Variants in NFX1 observed in about 807,000 individuals in gnomAD.
The protein encoded by NFX1 is transcriptional repressor NF-X1.
NFX1 carries 69 observed loss-of-function variants against 137.2 expected under a neutral mutation model. That is an observed-to-expected ratio of 0.50 (90% CI 0.41 to 0.61). The LOEUF (loss-of-function observed/expected upper bound fraction) is 0.61. NFX1 is among the 20% of genes least tolerant of loss of function. The pLI, the probability that NFX1 is intolerant of heterozygous loss-of-function variation, is 0.00. For missense variants in NFX1, 1,167 were observed against 1,391.0 expected, an observed-to-expected ratio of 0.84 and a Z score of 2.56; for synonymous variants, 495 against 474.1, an observed-to-expected ratio of 1.04 and a Z score of -0.57.
intron 4 of NFX1, 22 bp from the exon 5 acceptor site, chr9:33,307,171 CT>C: frequency 6.3e-7 from 1 of 1,592,298 alleles, no homozygotes. Context: ...GTACCATTGA[CT>C]CTCTGATCTG....
chr9:33,345,271 GGTTGAGACCA>G (rs1447771662), intron 14 of NFX1, among the ~76,000 whole-genome samples: 2 of 152,116 alleles, frequency 1.3e-5, no homozygotes, highest in Admixed American at 1.3e-4. Flanking sequence ...GAGGTCAGGA[GGTTGAGACCA>G]GTCTGGCCAA....
At chr9:33,333,171 A>G (rs1399698562) in intron 11 of NFX1, among the ~76,000 whole-genome samples, 1 of 152,132 alleles carries the variant, frequency 6.6e-6, no homozygotes, top group Non-Finnish European at 1.5e-5. Flanking sequence ...TAACCGACAC[A>G]TACTGTTGTT....
At chr9:33,368,529 C>G (rs1824235897) in intron 23 of NFX1, among the ~76,000 whole-genome samples, 1 of 152,090 alleles carries the variant, frequency 6.6e-6, no homozygotes, top group South Asian at 2.1e-4. Flanking sequence ...CTTTAGAGCA[C>G]TTGGTCATAG....
chr9:33,332,566 T>G, intron 11 of NFX1, 64 bp downstream of exon 11: 6 of 1,239,764 alleles, frequency 4.8e-6, no homozygotes, highest in Non-Finnish European at 5.8e-6. Context: ...TGAATCTTGT[T>G]AGGGAGTTGG....
chr9:33,331,163 CA>C (rs998125512), intron 10 of NFX1, among the ~76,000 whole-genome samples: 8 of 144,408 alleles, frequency 5.5e-5, no homozygotes, highest in African/African-American at 2.0e-4. Context: ...AAGACTGTCT[CA>C]AAAAAAAAAT....
intron 13 of NFX1, 105 bp from the exon 14 acceptor site, chr9:33,343,961 TCTC>T (rs1257592658): frequency 6.9e-7 from 1 of 1,455,006 alleles, no homozygotes. Context: ...CCCCATAAAT[TCTC>T]CTCTAAAAAT....
chr9:33,367,072 G>C (rs573392251), intron 22 of NFX1, among the ~76,000 whole-genome samples: 2 of 152,352 alleles, frequency 1.3e-5, no homozygotes, highest in South Asian at 4.1e-4. Context: ...CATCATATCT[G>C]CTCTTTTCTC....
rs1291479848 is a variant in NFX1 at position 33,366,707 on chromosome 9, G to A, written c.3118G>A (p.Val1040Ile). The A allele has an allele frequency of 6.2e-7, 1 of 1,614,102 alleles. No homozygotes were observed. Among genetic ancestry groups the A allele is most frequent in the Non-Finnish European group, 8.5e-7 (1 of 1,180,044 alleles). ...CCGGATCATCCATGACTTGGCCCAAGTTTATGGCCTGGAGAGCGTGAGCTA... is the reference window on the plus strand; with the variant it reads ...CCGGATCATCCATGACTTGGCCCAAATTTATGGCCTGGAGAGCGTGAGCTA... ...HRRIIHDLAQ[V>I]YGLESVSYDS... Residue 1040 changes from valine (V) to isoleucine (I), a missense_variant, in exon 22 of 24, where the codon GTT (valine) becomes ATT (isoleucine). Physicochemically the swap from Val to Ile is conservative, Grantham distance 29. Transcript: ENST00000379540.
At chr9:33,326,533 A>T (rs1279306506) in intron 9 of NFX1, among the ~76,000 whole-genome samples, 2 of 151,858 alleles carry the variant, frequency 1.3e-5, no homozygotes, top group Admixed American at 1.3e-4. Context: ...AGCCTGGGCA[A>T]CGTAGTGAGA....
rs1349858470 is a variant in NFX1 at position 33,370,190 on chromosome 9, A to G, written c.*212A>G. On this transcript the variant is annotated 3_prime_UTR_variant, in exon 24 of 24. Transcript: ENST00000379540. ...TCATTATGACCAGATCTCTGATTGTATGGTCACTAGGTATGCAATCACGCA... is the reference window on the plus strand; with the variant it reads ...TCATTATGACCAGATCTCTGATTGTGTGGTCACTAGGTATGCAATCACGCA... 4 of 485,486 alleles carry G rather than the reference A, an allele frequency of 8.2e-6. No homozygotes were observed. Among genetic ancestry groups the G allele is most frequent in the African/African-American group, 2.0e-5 (1 of 49,780 alleles). 30.1% of individuals were successfully genotyped at this position (485,486 alleles called of 1,614,324 possible).
At position 33,347,057 on chromosome 9, in the gene NFX1, TGAG is replaced by T. The variant is rs755666826; in HGVS notation, c.2368_2370del (p.Glu790del). Reference sequence around the variant, plus strand: ...CTGCAGTATATCATTCTTGTCATAGTGAGGAGAAGTGTCCCCCTTGCACTTTCC... The same window carrying T: ...CTGCAGTATATCATTCTTGTCATAGTGAGAAGTGTCCCCCTTGCACTTTCC... On this transcript the variant is annotated inframe_deletion, in exon 15 of 24. Transcript: ENST00000379540. The T allele has an allele frequency of 5.0e-6, 8 of 1,613,214 alleles. No individual in the cohort carries two copies. Among genetic ancestry groups the T allele is most frequent in the South Asian group, 2.2e-5 (2 of 91,004 alleles).
intron 1 of NFX1, among the ~76,000 whole-genome samples, 192 bp downstream of exon 1, chr9:33,290,789 A>T (rs1821129470): frequency 6.6e-6 from 1 of 152,216 alleles, no homozygotes; most frequent in South Asian, 2.1e-4. Context: ...TAGATGGTGA[A>T]GCCCAGTAGC....
chr9:33,332,972 A>G (rs1049588105), intron 11 of NFX1, among the ~76,000 whole-genome samples: 1 of 152,018 alleles, frequency 6.6e-6, no homozygotes, highest in Non-Finnish European at 1.5e-5. Context: ...CAGCCTCCCA[A>G]GTAGCTGGGA....
At chr9:33,323,371 CAG>C (rs1393992031) in intron 9 of NFX1, among the ~76,000 whole-genome samples, 1 of 151,986 alleles carries the variant, frequency 6.6e-6, no homozygotes, top group South Asian at 2.1e-4. Context: ...TGCAAAGAAA[CAG>C]GGAAAAAAAC....
intron 9 of NFX1, among the ~76,000 whole-genome samples, chr9:33,323,130 T>G (rs1171265405): frequency 3.9e-5 from 6 of 152,186 alleles, no homozygotes; most frequent in Admixed American, 3.3e-4. Context: ...GAGCCCTGCT[T>G]GAAACGACTG....
intron 19 of NFX1, among the ~76,000 whole-genome samples, chr9:33,360,517 A>G (rs933915125): frequency 6.6e-6 from 1 of 152,246 alleles, no homozygotes; most frequent in Admixed American, 6.5e-5. Flanking sequence ...TGGTGATGAC[A>G]TAATGACCCT....
At chr9:33,358,750 C>A (rs1303213477) in intron 19 of NFX1, among the ~76,000 whole-genome samples, 1 of 146,626 alleles carries the variant, frequency 6.8e-6, no homozygotes, top group Admixed American at 7.0e-5. Context: ...GCAGCCTCTA[C>A]CTCCTGGGTT....
chr9:33,323,831 AAG>A (rs1822477958), intron 9 of NFX1, among the ~76,000 whole-genome samples: 2 of 152,080 alleles, frequency 1.3e-5, no homozygotes, highest in Non-Finnish European at 2.9e-5. Context: ...TAAAGAGGTA[AAG>A]AAAGATGTGA....
intron 4 of NFX1, among the ~76,000 whole-genome samples, chr9:33,303,792 C>T (rs756035252): frequency 2.6e-5 from 4 of 152,148 alleles, no homozygotes; most frequent in Admixed American, 1.3e-4. Flanking sequence ...CTTCTTGTAA[C>T]CCAGATGCTC....
Sources: gnomAD v4.1 joint callset for allele counts (sites outside exome capture counted in the v4.1 genomes callset) on GRCh38, gnomAD v4.1.1 for gene constraint, MANE v1.5 for transcripts, NCBI Gene and HGNC (gene_info 2026-07-23, HGNC 2026-07-21) for gene names.